Variants in SETD7 observed in about 807,000 individuals in gnomAD.
SETD7 encodes the protein SET domain containing 7, histone lysine methyltransferase.
SETD7 carries 16 observed loss-of-function variants against 41.8 expected under a neutral mutation model. The ratio of observed to expected loss-of-function variants is 0.38; its 90% confidence interval spans 0.26 to 0.58. The LOEUF (loss-of-function observed/expected upper bound fraction) is 0.58, where lower values mean the gene tolerates loss of function less well. SETD7 is among the 20% of genes least tolerant of loss of function. The pLI, the probability that SETD7 is intolerant of heterozygous loss-of-function variation, is 0.64. For synonymous variants in SETD7, 163 were observed against 169.7 expected (o/e 0.96, Z 0.31); for missense variants, 346 against 459.7 (o/e 0.75, Z 2.26).
chr4:139,497,416 T>C (rs887881973), intron 7 of SETD7, among the ~76,000 whole-genome samples: 12 of 150,868 alleles, frequency 8.0e-5, no homozygotes, highest in Admixed American at 2.0e-4. Context: ...GATTGCGCCA[T>C]TACTAAACTC....
In SETD7 at chr4:139,511,595, T is replaced by C; in HGVS notation, c.*68A>G. ...CATGAGCAGTCCCTGGTTGTCCCATTGTCAGATAAACGTAGTGCATAGATC... is the reference window on the plus strand; with the variant it reads ...CATGAGCAGTCCCTGGTTGTCCCATCGTCAGATAAACGTAGTGCATAGATC... On this transcript the variant is annotated 3_prime_UTR_variant, in exon 8 of 8. Coordinates refer to ENST00000274031, the MANE Select transcript of SETD7 (RefSeq NM_030648.4). 1 of 1,602,018 alleles carries C rather than the reference T, an allele frequency of 6.2e-7. No homozygotes were observed. Among genetic ancestry groups the C allele is most frequent in the South Asian group, 1.1e-5 (1 of 88,674 alleles).
chr4:139,538,273 A>G (rs780348033), intron 2 of SETD7, among the ~76,000 whole-genome samples: 14 of 152,224 alleles, frequency 9.2e-5, no homozygotes, highest in Non-Finnish European at 2.1e-4. Context: ...CAATACTAAG[A>G]TGCAGAAAGT....
At chr4:139,499,636 C>T (rs905293448) in intron 7 of SETD7, among the ~76,000 whole-genome samples, 14 of 151,592 alleles carry the variant, frequency 9.2e-5, no homozygotes, top group African/African-American at 3.4e-4. Flanking sequence ...TCAATCCTTT[C>T]AGTTTCCCAG....
At chr4:139,524,570 CT>C (rs1727270511) in intron 4 of SETD7, among the ~76,000 whole-genome samples, 1 of 152,184 alleles carries the variant, frequency 6.6e-6, no homozygotes, top group Non-Finnish European at 1.5e-5. Context: ...GCTGGAGATG[CT>C]GGTTGACACA....
chr4:139,496,868 T>C (rs1472443772), intron 7 of SETD7, among the ~76,000 whole-genome samples: 1 of 151,460 alleles, frequency 6.6e-6, no homozygotes, highest in Non-Finnish European at 1.5e-5. Context: ...TAAGTTGTGT[T>C]CCTGTACACA....
At chr4:139,497,749 C>T (rs940816905) in intron 7 of SETD7, among the ~76,000 whole-genome samples, 5 of 151,912 alleles carry the variant, frequency 3.3e-5, no homozygotes, top group African/African-American at 7.2e-5. Context: ...CCTGCCACTA[C>T]GCCCGGCTAA....
intron 3 of SETD7, among the ~76,000 whole-genome samples, chr4:139,531,869 T>C (rs750669181): frequency 3.9e-5 from 6 of 152,114 alleles, no homozygotes; most frequent in Non-Finnish European, 7.3e-5. Context: ...GGCAAGGAAA[T>C]CATCTGAGGT....
rs193112055 is a variant in SETD7, at chr4:139,551,743, G to A, written c.40+4355C>T. Among the ~76,000 whole-genome samples the A allele has an allele frequency of 5.2e-3, 787 of 152,234 alleles. 36 individuals are homozygous for A. The highest frequency in any genetic ancestry group is 0.049 in the Admixed American group (745 of 15,292). On this transcript the variant is annotated intron_variant, in intron 1 of 7. Transcript: ENST00000274031. ...TTTAAAAAACAACAATTAATAGGCC[G>A]GGCGCGGTGGCTCATGCCTGTAATC...
Position 139,511,550 on chromosome 4 carries a change from G to A in SETD7, c.*113C>T. ...GAGAAAGTCGTTGCTAACGCATGGT[G>A]AGAGGATGTGACGTCACAGCATGAG... On this transcript the variant is annotated 3_prime_UTR_variant, in exon 8 of 8. Transcript: ENST00000274031. The A allele has an allele frequency of 1.3e-6, 2 of 1,570,482 alleles. No individual in the cohort carries two copies. Among genetic ancestry groups the A allele is most frequent in the Non-Finnish European group, 1.7e-6 (2 of 1,165,296 alleles).
intron 2 of SETD7, 80 bp from the exon 3 acceptor site, chr4:139,533,446 C>G: frequency 8.2e-7 from 1 of 1,224,040 alleles, no homozygotes; most frequent in African/African-American, 1.5e-5. Context: ...ATCCAAGGAA[C>G]TGCATGCCCA....
downstream of SETD7, among the ~76,000 whole-genome samples, chr4:139,494,030 G>A (rs970022290): frequency 6.6e-6 from 1 of 152,184 alleles, no homozygotes. Flanking sequence ...TTAGCTGCAA[G>A]AGATCCTTGG....
In SETD7 at chr4:139,509,593, A is replaced by C. The variant is rs1726812932; in HGVS notation, c.*2070T>G. The C allele has an allele frequency of 3.7e-6, 2 of 535,328 alleles. No individual in the cohort carries two copies. Among genetic ancestry groups the C allele is most frequent in the Admixed American group, 1.3e-4 (2 of 15,684 alleles). The allele number at this position is 535,328 out of a possible 1,614,324, so 33.2% of individuals were successfully genotyped here. A position where few individuals can be genotyped will look rare whatever the true frequency, so the allele number is the denominator to read the frequency against. ...CCAGCACTATCCTCTCCCTGACCGTATTCCCTGACCTGGCTGCACAACCCA... is the reference window on the plus strand; with the variant it reads ...CCAGCACTATCCTCTCCCTGACCGTCTTCCCTGACCTGGCTGCACAACCCA... On this transcript the variant is annotated 3_prime_UTR_variant, in exon 8 of 8. Coordinates refer to ENST00000274031, the MANE Select transcript of SETD7 (RefSeq NM_030648.4).
intron 7 of SETD7, among the ~76,000 whole-genome samples, chr4:139,517,475 CAAAAAAAAAAAAAA>C (rs56132171): frequency 1.3e-3 from 175 of 133,988 alleles, no homozygotes; most frequent in South Asian, 0.012. Context: ...AAATCCATCT[CAAAAAAAAAAAAAA>C]AAAAAAAAAA....
At chr4:139,541,083 C>T (rs1204414138) in intron 2 of SETD7, among the ~76,000 whole-genome samples, 3 of 152,062 alleles carry the variant, frequency 2.0e-5, no homozygotes, top group Non-Finnish European at 4.4e-5. Context: ...AGAAAGAAGC[C>T]GTGGAGTAGT....
downstream of SETD7, among the ~76,000 whole-genome samples, chr4:139,505,526 C>A (rs1441572880): frequency 2.6e-5 from 4 of 151,928 alleles, no homozygotes; most frequent in African/African-American, 4.8e-5. Flanking sequence ...GAGGTGGAGG[C>A]TGCAGTGAGC....
At chr4:139,550,810 A>G (rs886251767) in intron 1 of SETD7, among the ~76,000 whole-genome samples, 1 of 152,222 alleles carries the variant, frequency 6.6e-6, no homozygotes, top group Non-Finnish European at 1.5e-5. Context: ...ATTGGGTTAT[A>G]TGCTTTCCTG....
chr4:139,532,618 T>G (rs1299989165), intron 3 of SETD7: 2 of 154,030 alleles, frequency 1.3e-5, no homozygotes, highest in Non-Finnish European at 2.9e-5. Context: ...TCCAGAAATA[T>G]CATAAAATGC....
chr4:139,516,985 C>T (rs1727043595), intron 7 of SETD7, among the ~76,000 whole-genome samples: 1 of 152,162 alleles, frequency 6.6e-6, no homozygotes, highest in Admixed American at 6.5e-5. Context: ...ACATTTTGGA[C>T]ATTTCATATA....
At chr4:139,545,473 C>T (rs1204285879) in intron 2 of SETD7, among the ~76,000 whole-genome samples, 2 of 152,026 alleles carry the variant, frequency 1.3e-5, no homozygotes, top group Admixed American at 6.6e-5. Context: ...CAAGTATCCA[C>T]CCAAAAGAAA....
Sources: gnomAD v4.1 joint callset for allele counts (sites outside exome capture counted in the v4.1 genomes callset) on GRCh38, gnomAD v4.1.1 for gene constraint, MANE v1.5 for transcripts, NCBI Gene and HGNC (gene_info 2026-07-23, HGNC 2026-07-21) for gene names.